OR10Z1: variants seen among roughly 807,000 people sequenced by gnomAD.
OR10Z1 encodes olfactory receptor 10Z1.
For synonymous variants in OR10Z1, 187 were observed against 151.2 expected (o/e 1.24, Z -1.74); for missense variants, 468 against 371.0 (o/e 1.26, Z -2.15).
At position 158,608,009 on chromosome 1, in the gene OR10Z1, T is replaced by C. The variant is rs1387959001; in HGVS notation, c.*629T>C. The C allele has an allele frequency of 6.6e-6, 1 of 152,222 alleles. No homozygotes were observed. Among genetic ancestry groups the C allele is most frequent in the Non-Finnish European group, 1.5e-5 (1 of 68,032 alleles). The allele number at this position is 152,222 out of a possible 1,614,324, so 9.4% of individuals were successfully genotyped here. ...TGTGCTTATACATTCCTCATTGTGC[T>C]ATTGACAGTAGCAAAAACATGGAAT... On this transcript the variant is annotated 3_prime_UTR_variant, in exon 2 of 2. Transcript: ENST00000641002.
chr1:158,608,857 A>T lies in OR10Z1; in HGVS notation c.*1477A>T, dbSNP rs1162650277. The T allele has an allele frequency of 6.6e-6, 1 of 152,188 alleles. No individual in the cohort carries two copies. The highest frequency in any genetic ancestry group is 1.5e-5 in the Non-Finnish European group (1 of 68,038). 9.4% of individuals were successfully genotyped at this position (152,188 alleles called of 1,614,324 possible). A position where few individuals can be genotyped will look rare whatever the true frequency, so the allele number is the denominator to read the frequency against. On this transcript the variant is annotated 3_prime_UTR_variant, in exon 2 of 2. Transcript: ENST00000641002. Reference sequence around the variant, plus strand: ...TGACTTACTTGTTGAAATAATTTGAATACCTTGCTTCAGACATGGTCCTTT... The same window carrying T: ...TGACTTACTTGTTGAAATAATTTGATTACCTTGCTTCAGACATGGTCCTTT...
chr1:158,608,007 GCT>G lies in OR10Z1; in HGVS notation c.*628_*629del, dbSNP rs1649104192. On this transcript the variant is annotated 3_prime_UTR_variant, in exon 2 of 2. Coordinates refer to ENST00000641002, the MANE Select transcript of OR10Z1 (RefSeq NM_001004478.2). Reference sequence around the variant, plus strand: ...CATGTGCTTATACATTCCTCATTGTGCTATTGACAGTAGCAAAAACATGGAAT... The same window carrying G: ...CATGTGCTTATACATTCCTCATTGTGATTGACAGTAGCAAAAACATGGAAT... The G allele has an allele frequency of 6.6e-6, 1 of 151,892 alleles. No homozygotes were observed. Among genetic ancestry groups the G allele is most frequent in the Non-Finnish European group, 1.5e-5 (1 of 67,986 alleles). The allele number at this position is 151,892 out of a possible 1,614,324, so 9.4% of individuals were successfully genotyped here.
At chr1:158,605,971 T>C (rs992203064) in intron 1 of OR10Z1, among the ~76,000 whole-genome samples, 8 of 152,348 alleles carry the variant, frequency 5.3e-5, no homozygotes, top group Admixed American at 2.0e-4. Context: ...TTATATGTGA[T>C]GTGTGTATCT....
Position 158,611,200 on chromosome 1 carries a change from T to C in OR10Z1, c.*3820T>C, listed in dbSNP as rs1319953507. On this transcript the variant is annotated 3_prime_UTR_variant, in exon 2 of 2. Coordinates refer to ENST00000641002, the MANE Select transcript of OR10Z1 (RefSeq NM_001004478.2). ...CTTTATCTTCCACATTTGCCTGTAC[T>C]CTTTGCCCCCCAGTAAATTTCCCAC... The C allele has an allele frequency of 6.3e-7, 1 of 1,599,160 alleles. No homozygotes were observed. The highest frequency in any genetic ancestry group is 8.6e-7 in the Non-Finnish European group (1 of 1,168,962).
Position 158,609,398 on chromosome 1 carries a change from T to A in OR10Z1, c.*2018T>A, listed in dbSNP as rs1395357360. The A allele has an allele frequency of 1.3e-5, 2 of 152,110 alleles. No individual in the cohort carries two copies. Among genetic ancestry groups the A allele is most frequent in the East Asian group, 3.9e-4 (2 of 5,184 alleles). The allele number at this position is 152,110 out of a possible 1,614,324, so 9.4% of individuals were successfully genotyped here. A position where few individuals can be genotyped will look rare whatever the true frequency, so the allele number is the denominator to read the frequency against. On this transcript the variant is annotated 3_prime_UTR_variant, in exon 2 of 2. Transcript: ENST00000641002. Reference sequence around the variant, plus strand: ...AGGCCATCTACTCTGAAGTTCTCAATATTGGAAGAAGTAATGCCTCATTGC... The same window carrying A: ...AGGCCATCTACTCTGAAGTTCTCAAAATTGGAAGAAGTAATGCCTCATTGC...
chr1:158,607,347 T>A lies in OR10Z1; in HGVS notation c.909T>A (p.Asn303Lys), dbSNP rs143165723. 27 of 1,613,216 alleles carry A rather than the reference T, an allele frequency of 1.7e-5. No homozygotes were observed. Among genetic ancestry groups the A allele is most frequent in the Admixed American group, 5.0e-5 (3 of 59,946 alleles). The change falls in exon 2 of 2, where the codon AAT becomes AAA. Residue 303 changes from asparagine (N) to lysine (K), a missense_variant. Asn to Lys is a moderately conservative substitution (Grantham distance 94). Coordinates refer to ENST00000641002, the MANE Select transcript of OR10Z1 (RefSeq NM_001004478.2). ...GGGCTATACAGACAGCTCTGAGGAA[T>A]GCTTTCAGAGGGAGATTGCTGGGTA... is the stretch of plus-strand genomic sequence containing the variant. ...RNRAIQTALR[N>K]AFRGRLLGKG
At position 158,612,369 on chromosome 1, in the gene OR10Z1, G is replaced by T. The variant is rs371525422; in HGVS notation, c.*4989G>T. 1 of 221,826 alleles carries T rather than the reference G, an allele frequency of 4.5e-6. No homozygotes were observed. Among genetic ancestry groups the T allele is most frequent in the Admixed American group, 5.3e-5 (1 of 18,962 alleles). The allele number at this position is 221,826 out of a possible 1,614,324, so 13.7% of individuals were successfully genotyped here. A position where few individuals can be genotyped will look rare whatever the true frequency, so the allele number is the denominator to read the frequency against. On this transcript the variant is annotated 3_prime_UTR_variant, in exon 2 of 2. Coordinates refer to ENST00000641002, the MANE Select transcript of OR10Z1 (RefSeq NM_001004478.2). ...TCAGAGAGAAGAGAGATTACTTCTG[G>T]TTGTAATAAAATTCCCCACATCTTT...
Position 158,606,389 on chromosome 1 carries a change from C to A in OR10Z1, c.-50C>A. 8.3e-7 allele frequency: 1 copy of A among 1,200,672 alleles called. No homozygotes were observed. Among genetic ancestry groups the A allele is most frequent in the Non-Finnish European group, 1.2e-6 (1 of 835,656 alleles). 74.4% of individuals were successfully genotyped at this position (1,200,672 alleles called of 1,614,324 possible). ...ACCTTTTAAAGAAGTTAGGCATCTA[C>A]TGGCAAGGTGGAAGAAATCAACAAA... On this transcript the variant is annotated 5_prime_UTR_variant, in exon 2 of 2. It adds an upstream start codon to the 5' untranslated region. Transcript: ENST00000641002.
Position 158,611,167 on chromosome 1 carries a change from G to T in OR10Z1, c.*3787G>T. ...CACACACACACACACACACACACAC[G>T]AGGCCATCTTTATCTTCCACATTTG... is the stretch of plus-strand genomic sequence containing the variant. On this transcript the variant is annotated 3_prime_UTR_variant, in exon 2 of 2. Coordinates refer to ENST00000641002, the MANE Select transcript of OR10Z1 (RefSeq NM_001004478.2). The T allele has an allele frequency of 1.6e-5, 15 of 939,514 alleles. No individual in the cohort carries two copies. Among genetic ancestry groups the T allele is most frequent in the African/African-American group, 2.2e-5 (1 of 45,446 alleles). The allele number at this position is 939,514 out of a possible 1,614,324, so 58.2% of individuals were successfully genotyped here.
In OR10Z1 at chr1:158,607,291, C is replaced by T. The variant is rs758208988; in HGVS notation, c.853C>T (p.Leu285Phe). 4 of 1,614,048 alleles carry T rather than the reference C, an allele frequency of 2.5e-6. No individual in the cohort carries two copies. Among genetic ancestry groups the T allele is most frequent in the Admixed American group, 1.7e-5 (1 of 60,028 alleles). The change falls in exon 2 of 2, where the codon CTT becomes TTT. Residue 285 changes from leucine (L) to phenylalanine (F), a missense_variant. Transcript: ENST00000641002. ...AMTYTVVTPL[L>F]NPIVYSLRNR... Reference sequence around the variant, plus strand: ...GACCTATACTGTAGTGACCCCCCTCCTTAATCCCATTGTTTATAGTCTAAG... The same window carrying T: ...GACCTATACTGTAGTGACCCCCCTCTTTAATCCCATTGTTTATAGTCTAAG...
In OR10Z1 at chr1:158,611,407, A is replaced by G; in HGVS notation, c.*4027A>G. ...GTAAGGGCCTGAAAAGTATAAAAAG[A>G]GAAAAATACAGTTATAGGGATTCAA... On this transcript the variant is annotated 3_prime_UTR_variant, in exon 2 of 2. Transcript: ENST00000641002. 5 of 1,613,098 alleles carry G rather than the reference A, an allele frequency of 3.1e-6. No homozygotes were observed. Among genetic ancestry groups the G allele is most frequent in the Non-Finnish European group, 3.4e-6 (4 of 1,179,344 alleles).
rs1315901641 is a variant in OR10Z1, at chr1:158,608,075, T to C, written c.*695T>C. ...TTGTCCTCACTATCTCTGACTCTGT[T>C]ACTTTGCCCTTTTTGTTTTGATTGA... On this transcript the variant is annotated 3_prime_UTR_variant, in exon 2 of 2. Transcript: ENST00000641002. The C allele has an allele frequency of 6.6e-6, 1 of 152,194 alleles. No individual in the cohort carries two copies. Among genetic ancestry groups the C allele is most frequent in the Non-Finnish European group, 1.5e-5 (1 of 68,032 alleles). 9.4% of individuals were successfully genotyped at this position (152,194 alleles called of 1,614,324 possible).
rs771174449 is a variant in OR10Z1 at position 158,606,992 on chromosome 1, T to C, written c.554T>C (p.Leu185Pro). ...TTTTTTTGTGACACGCCACCTGTGC[T>C]GAGCCTAGCCTGTGGAGATACAGGC... is the stretch of plus-strand genomic sequence containing the variant. ...QHFFCDTPPVLSLACGDTGPS... is the reference protein window; with the variant it reads ...QHFFCDTPPVPSLACGDTGPS... The change falls in exon 2 of 2, where the codon CTG becomes CCG. Residue 185 changes from leucine (L) to proline (P), a missense_variant. Leu to Pro is a moderately conservative substitution (Grantham distance 98, BLOSUM62 -3). Coordinates refer to ENST00000641002, the MANE Select transcript of OR10Z1 (RefSeq NM_001004478.2). 14 of 1,614,010 alleles carry C rather than the reference T, an allele frequency of 8.7e-6. No individual in the cohort carries two copies. The highest frequency in any genetic ancestry group is 1.6e-4 in the Middle Eastern group (1 of 6,084).
rs912518091 is a variant in OR10Z1 at position 158,608,992 on chromosome 1, G to A, written c.*1612G>A. 1 of 152,234 alleles carries A rather than the reference G, an allele frequency of 6.6e-6. No individual in the cohort carries two copies. Among genetic ancestry groups the A allele is most frequent in the South Asian group, 2.1e-4 (1 of 4,826 alleles). The allele number at this position is 152,234 out of a possible 1,614,324, so 9.4% of individuals were successfully genotyped here. A position where few individuals can be genotyped will look rare whatever the true frequency, so the allele number is the denominator to read the frequency against. On this transcript the variant is annotated 3_prime_UTR_variant, in exon 2 of 2. Transcript: ENST00000641002. ...AGGGGATGATAGATTTCAGTAGAGA[G>A]AAACCAGAGGCAAGGAGATCAGCAA...
rs1649183444 is a variant in OR10Z1 at position 158,610,392 on chromosome 1, A to G, written c.*3012A>G. 6.6e-6 allele frequency: 1 copy of G among 152,198 alleles called. No individual in the cohort carries two copies. The highest frequency in any genetic ancestry group is 1.5e-5 in the Non-Finnish European group (1 of 68,020). 9.4% of individuals were successfully genotyped at this position (152,198 alleles called of 1,614,324 possible). Reference sequence around the variant, plus strand: ...AGAATGTCGGCATATAAACCTGTTCAGAATAAACCTGGCCTGAAAATTTTT... The same window carrying G: ...AGAATGTCGGCATATAAACCTGTTCGGAATAAACCTGGCCTGAAAATTTTT... On this transcript the variant is annotated 3_prime_UTR_variant, in exon 2 of 2. Coordinates refer to ENST00000641002, the MANE Select transcript of OR10Z1 (RefSeq NM_001004478.2).
In OR10Z1 at chr1:158,611,166, C is replaced by CACACAT. The variant is rs1553221961; in HGVS notation, c.*3786_*3787insACACAT. The CACACAT allele has an allele frequency of 3.9e-4, 540 of 1,387,628 alleles. 4 individuals are homozygous for CACACAT. The African/African-American group carries it at 6.2e-3, about 16-fold the overall frequency. 86.0% of individuals were successfully genotyped at this position (1,387,628 alleles called of 1,614,324 possible). On this transcript the variant is annotated 3_prime_UTR_variant, in exon 2 of 2. Coordinates refer to ENST00000641002, the MANE Select transcript of OR10Z1 (RefSeq NM_001004478.2). ...ACACACACACACACACACACACACA[C>CACACAT]GAGGCCATCTTTATCTTCCACATTT...
rs1188319162 is a variant in OR10Z1, at chr1:158,612,238, TTGA to T, written c.*4862_*4864del. On this transcript the variant is annotated 3_prime_UTR_variant, in exon 2 of 2. Transcript: ENST00000641002. Reference sequence around the variant, plus strand: ...AACACTTAGGCTTTCCTTTGATGACTTGATGAGTTCCTGCACGTCCTTCAACAC... The same window carrying T: ...AACACTTAGGCTTTCCTTTGATGACTTGAGTTCCTGCACGTCCTTCAACAC... The T allele has an allele frequency of 6.3e-6, 1 of 158,730 alleles. No homozygotes were observed. The highest frequency in any genetic ancestry group is 1.8e-4 in the South Asian group (1 of 5,406). The allele number at this position is 158,730 out of a possible 1,614,324, so 9.8% of individuals were successfully genotyped here.
chr1:158,607,311 T>A lies in OR10Z1; in HGVS notation c.873T>A (p.Ser291Arg). Residue 291 changes from serine to arginine, a missense_variant, in exon 2 of 2, where the codon AGT (serine) becomes AGA (arginine). Transcript: ENST00000641002. Reference protein sequence around the residue: ...VTPLLNPIVYSLRNRAIQTAL... With the variant: ...VTPLLNPIVYRLRNRAIQTAL... ...CCCTCCTTAATCCCATTGTTTATAG[T>A]CTAAGGAATAGGGCTATACAGACAG... 6.2e-7 allele frequency: 1 copy of A among 1,613,900 alleles called. No homozygotes were observed. The highest frequency in any genetic ancestry group is 8.5e-7 in the Non-Finnish European group (1 of 1,179,812).
In OR10Z1 at chr1:158,606,671, T is replaced by C; in HGVS notation, c.233T>C (p.Ile78Thr). The change falls in exon 2 of 2, where the codon ATC becomes ACC. Residue 78 changes from isoleucine (I) to threonine (T), a missense_variant. Coordinates refer to ENST00000641002, the MANE Select transcript of OR10Z1 (RefSeq NM_001004478.2). ...FSETCYTLGIIPRMLSGLAGG... is the reference protein window; with the variant it reads ...FSETCYTLGITPRMLSGLAGG... ...GAGACCTGCTACACTTTGGGCATCA[T>C]CCCTAGAATGCTCTCTGGCCTGGCT... The C allele has an allele frequency of 3.1e-6, 5 of 1,614,082 alleles. No homozygotes were observed. Among genetic ancestry groups the C allele is most frequent in the Non-Finnish European group, 4.2e-6 (5 of 1,179,976 alleles).
Sources: gnomAD v4.1 joint callset for allele counts (sites outside exome capture counted in the v4.1 genomes callset) on GRCh38, gnomAD v4.1.1 for gene constraint, MANE v1.5 for transcripts, NCBI Gene and HGNC (gene_info 2026-07-23, HGNC 2026-07-21) for gene names.